The following TUBB variants were observed in gnomAD, a reference collection of about 807,000 sequenced individuals.
The protein encoded by TUBB is tubulin beta chain.
TUBB carries 2 observed loss-of-function variants against 35.1 expected under a neutral mutation model. The observed-to-expected ratio is 0.06, with a 90% CI of 0.02 to 0.18. TUBB has a LOEUF of 0.18. TUBB is among the 10% of genes least tolerant of loss of function. The pLI is 1.00. For synonymous variants in TUBB, 205 were observed against 223.8 expected (o/e 0.92, Z 0.75); for missense variants, 50 against 599.4 (o/e 0.08, Z 9.57).
Position 30,724,275 on chromosome 6 carries a change from G to A in TUBB, c.1213G>A (p.Glu405Lys). The A allele has an allele frequency of 6.2e-7, 1 of 1,613,702 alleles. No homozygotes were observed. The highest frequency in any genetic ancestry group is 8.5e-7 in the Non-Finnish European group (1 of 1,179,884). ...CTGGTACACAGGCGAGGGCATGGAC[G>A]AGATGGAGTTCACCGAGGCTGAGAG... ...LHWYTGEGMD[E>K]MEFTEAESNM... is the part of the protein sequence containing the mutation. Residue 405 changes from glutamate (E) to lysine (K), a missense_variant, in exon 4 of 4, where the codon GAG becomes AAG. By Grantham distance (56) the Glu-to-Lys change is moderately conservative. Around this residue, in one of 2 missense-constraint regions of TUBB, gnomAD observed 38 missense variants for 578.9 expected, o/e 0.07. Coordinates refer to ENST00000327892, the MANE Select transcript of TUBB (RefSeq NM_178014.4). The surrounding 1 kb of genome is among the most constrained non-coding windows in gnomAD (Gnocchi z 4.4).
intron 1 of TUBB, chr6:30,721,536 C>T (rs1776251582): frequency 1.0e-6 from 1 of 984,922 alleles, no homozygotes; most frequent in Non-Finnish European, 1.2e-6. Flanking sequence ...TCCCTGGCCC[C>T]GCCCACGCGC....
rs1468789533 is a variant in TUBB, at chr6:30,721,574, C to T, written c.58-963C>T. The T allele has an allele frequency of 7.1e-6, 7 of 985,166 alleles. No individual in the cohort carries two copies. The East Asian group carries it at 4.5e-4, about 64-fold the overall frequency. 61.0% of individuals were successfully genotyped at this position (985,166 alleles called of 1,614,324 possible). On this transcript the variant is annotated intron_variant, in intron 1 of 3. Coordinates refer to ENST00000327892, the MANE Select transcript of TUBB (RefSeq NM_178014.4). ...AGTCTTTTGTCGGCGGCTCGACCTG[C>T]GCGTGCGCCGCAGTCACGTGGAGGG... is the stretch of plus-strand genomic sequence containing the variant.
At chr6:30,721,676 G>T (rs968967277) in intron 1 of TUBB, 24 of 985,460 alleles carry the variant, frequency 2.4e-5, no homozygotes, top group Admixed American at 1.2e-4. Flanking sequence ...GTGGGGCGGT[G>T]CCCAGCTTGG....
intron 1 of TUBB, chr6:30,721,682 C>T (rs977627512): frequency 5.6e-5 from 55 of 985,422 alleles, no homozygotes; most frequent in Non-Finnish European, 6.5e-5. Context: ...CGGTGCCCAG[C>T]TTGGGGGAAG....
At position 30,722,651 on chromosome 6, in the gene TUBB, G is replaced by A; in HGVS notation, c.166+6G>A. 6.2e-7 allele frequency: 1 copy of A among 1,612,060 alleles called. No homozygotes were observed. The highest frequency in any genetic ancestry group is 8.5e-7 in the Non-Finnish European group (1 of 1,178,688). ...GTACTACAATGAAGCCACAGGTAAGGGCAGGAGCCCGGGCAGCTCAGGTTC... is the reference window on the plus strand; with the variant it reads ...GTACTACAATGAAGCCACAGGTAAGAGCAGGAGCCCGGGCAGCTCAGGTTC... On this transcript the variant is annotated splice_donor_region_variant and intron_variant, in intron 2 of 3. Transcript: ENST00000327892.
rs532292127 is a variant in TUBB, at chr6:30,722,811, G to A, written c.167-107G>A. On this transcript the variant is annotated intron_variant, in intron 2 of 3. Transcript: ENST00000327892. ...AAGACGTCTGCTGCCACCTGGTGGC[G>A]GGACCTGGAATGACAAGTCTCTGAT... The A allele has an allele frequency of 1.6e-5, 19 of 1,170,198 alleles. No individual in the cohort carries two copies. The African/African-American group carries it at 2.5e-4, about 15-fold the overall frequency. The allele number at this position is 1,170,198 out of a possible 1,614,324, so 72.5% of individuals were successfully genotyped here. A position where few individuals can be genotyped will look rare whatever the true frequency, so the allele number is the denominator to read the frequency against.
At chr6:30,720,789 T>A (rs1258137102) in intron 1 of TUBB, among the ~76,000 whole-genome samples, 4 of 152,234 alleles carry the variant, frequency 2.6e-5, no homozygotes, top group African/African-American at 2.4e-5. Flanking sequence ...AAAGGGCTCT[T>A]CGGGTTTGGG....
At chr6:30,723,205 C>T (rs1249904132) in intron 3 of TUBB, 135 bp from the exon 4 acceptor site, 2 of 925,292 alleles carry the variant, frequency 2.2e-6, no homozygotes, top group East Asian at 2.6e-5. Flanking sequence ...AATTATGGGG[C>T]AGTAGGGGGA....
rs552254580 is a variant in TUBB at position 30,722,837 on chromosome 6, C to T, written c.167-81C>T. ...GGACCTGGAATGACAAGTCTCTGATCCCTGCTGTCTCCCATTTCCAGTATA... is the reference window on the plus strand; with the variant it reads ...GGACCTGGAATGACAAGTCTCTGATTCCTGCTGTCTCCCATTTCCAGTATA... On this transcript the variant is annotated intron_variant, in intron 2 of 3. Coordinates refer to ENST00000327892, the MANE Select transcript of TUBB (RefSeq NM_178014.4). The T allele has an allele frequency of 7.0e-6, 9 of 1,291,864 alleles. No individual in the cohort carries two copies. The African/African-American group carries it at 8.8e-5, about 13-fold the overall frequency. 80.0% of individuals were successfully genotyped at this position (1,291,864 alleles called of 1,614,324 possible).
At chr6:30,720,658 TAATC>T in intron 1 of TUBB, 95 bp downstream of exon 1, 1 of 1,077,010 alleles carries the variant, frequency 9.3e-7, no homozygotes, top group Non-Finnish European at 1.4e-6. Flanking sequence ...CCGCTATCCT[TAATC>T]AAGATTTGCC....
In TUBB at chr6:30,723,052, C is replaced by G. The variant is rs1476151579; in HGVS notation, c.277+24C>G. On this transcript the variant is annotated intron_variant, in intron 3 of 3. Coordinates refer to ENST00000327892, the MANE Select transcript of TUBB (RefSeq NM_178014.4). The stretch of plus-strand genomic sequence containing the variant: ...TGGTGAGTTATACAGATGATATTAG[C>G]AGATGATATACCATCGTGTTCAACT... The G allele has an allele frequency of 5.8e-6, 9 of 1,555,362 alleles. No individual in the cohort carries two copies. In the Admixed American group the frequency reaches 1.6e-4, roughly 27 times the overall value.
chr6:30,720,757 G>A (rs1776164846), intron 1 of TUBB, among the ~76,000 whole-genome samples, 194 bp downstream of exon 1: 1 of 152,236 alleles, frequency 6.6e-6, no homozygotes, highest in South Asian at 2.1e-4. Flanking sequence ...TTCTTGGCAG[G>A]CACATTTTGG....
rs1384593135 is a variant in TUBB, at chr6:30,722,940, C to T, written c.189C>T (p.Ala63=). 1 of 1,612,248 alleles carries T rather than the reference C, an allele frequency of 6.2e-7. No individual in the cohort carries two copies. The highest frequency in any genetic ancestry group is 2.2e-5 in the East Asian group (1 of 44,884). ...EATGGKYVPR[A]ILVDLEPGTM... is the part of the protein sequence containing the mutation. ...TAGGTGGCAAATATGTTCCTCGTGC[C>T]ATCCTGGTGGATCTAGAACCTGGGA... Residue 63 remains alanine (A), a synonymous_variant, in exon 3 of 4, where the codon GCC becomes GCT. Coordinates refer to ENST00000327892, the MANE Select transcript of TUBB (RefSeq NM_178014.4).
chr6:30,722,228 G>T, intron 1 of TUBB: 1 of 312,676 alleles, frequency 3.2e-6, no homozygotes, highest in Non-Finnish European at 6.1e-6. Flanking sequence ...GGCGGATCAC[G>T]AGGTCAAGAG....
intron 1 of TUBB, 132 bp downstream of exon 1, chr6:30,720,695 T>TA: frequency 1.4e-6 from 1 of 740,264 alleles, no homozygotes; most frequent in Non-Finnish European, 2.2e-6. Context: ...GTTACATTTA[T>TA]ATATATAACA....
At chr6:30,720,676 C>T (rs1049032068) in intron 1 of TUBB, 113 bp downstream of exon 1, 2 of 912,062 alleles carry the variant, frequency 2.2e-6, no homozygotes, top group African/African-American at 1.7e-5. Context: ...ATTTGCCCCT[C>T]TCAAGTTTGT....
At chr6:30,722,402 C>T (rs1388078875) in intron 1 of TUBB, 135 bp from the exon 2 acceptor site, 3 of 649,982 alleles carry the variant, frequency 4.6e-6, no homozygotes, top group Non-Finnish European at 8.2e-6. Flanking sequence ...GAGATAGCGC[C>T]ACTGCACTCC....
chr6:30,721,515 C>T (rs1236348553), intron 1 of TUBB: 4 of 981,014 alleles, frequency 4.1e-6, no homozygotes, highest in African/African-American at 3.5e-5. Context: ...CCCTCGCGCG[C>T]GGAATTTTTG....
rs564673882 is a variant in TUBB, at chr6:30,721,190, TA to T, written c.57+628del. Among the ~76,000 whole-genome samples, 377 of 152,340 alleles carry T rather than the reference TA, an allele frequency of 2.5e-3. 1 individual carries two copies. The highest frequency in any genetic ancestry group is 8.7e-3 in the African/African-American group (362 of 41,584). On this transcript the variant is annotated intron_variant, in intron 1 of 3. Coordinates refer to ENST00000327892, the MANE Select transcript of TUBB (RefSeq NM_178014.4). ...TCATGGCCCCTAAGAGAGACTTTTT[TA>T]GGGCGTGAACAGATATGTCGAGAAA...
Sources: gnomAD v4.1 joint callset for allele counts (sites outside exome capture counted in the v4.1 genomes callset) on GRCh38, gnomAD v4.1.1 for gene constraint, gnomAD v4.1.1 regional missense constraint, Gnocchi (gnomAD v3.1) non-coding constraint, MANE v1.5 for transcripts, NCBI Gene and HGNC (gene_info 2026-07-23, HGNC 2026-07-21) for gene names.